The following KCNK3 variants were observed in gnomAD, a reference collection of about 807,000 sequenced individuals.
KCNK3 encodes potassium channel subfamily K member 3.
Under a neutral mutation model 27.3 loss-of-function variants are expected in KCNK3, and 9 were observed. That is an observed-to-expected ratio of 0.33 (90% CI 0.20 to 0.57). KCNK3 has a LOEUF of 0.57. KCNK3 is among the 20% of genes least tolerant of loss of function. The pLI, the probability that KCNK3 is intolerant of heterozygous loss-of-function variation, is 0.87. For missense variants in KCNK3, 391 were observed against 577.7 expected (o/e 0.68, Z 3.31); for synonymous variants, 278 against 273.8 (o/e 1.02, Z -0.15).
intron 1 of KCNK3, among the ~76,000 whole-genome samples, chr2:26,703,984 G>A (rs576883761): frequency 6.6e-6 from 1 of 152,172 alleles, no homozygotes; most frequent in African/African-American, 2.4e-5. Context: ...CTGGAAGACA[G>A]AGGATAGGCC....
intron 1 of KCNK3, among the ~76,000 whole-genome samples, chr2:26,710,167 G>T (rs1419282799): frequency 1.3e-5 from 2 of 152,232 alleles, no homozygotes; most frequent in Non-Finnish European, 2.9e-5. Context: ...CAAGAGCTTT[G>T]CAGGGAACCT....
chr2:26,700,810 C>G (rs1362749738), intron 1 of KCNK3, among the ~76,000 whole-genome samples: 1 of 152,110 alleles, frequency 6.6e-6, no homozygotes, highest in Non-Finnish European at 1.5e-5. Flanking sequence ...CTCTCTCTCA[C>G]TCTGTCTGTC....
intron 1 of KCNK3, among the ~76,000 whole-genome samples, chr2:26,718,369 C>T (rs1003180272): frequency 2.0e-5 from 3 of 152,124 alleles, no homozygotes; most frequent in Non-Finnish European, 2.9e-5. Context: ...CTCACCTTGA[C>T]GATCTTCACT....
At chr2:26,725,740 AG>A (rs533039467) in intron 1 of KCNK3, among the ~76,000 whole-genome samples, 29 of 152,236 alleles carry the variant, frequency 1.9e-4, no homozygotes, top group African/African-American at 6.0e-4. Context: ...GACGCTGTGG[AG>A]GGGGTCAGGG....
intron 1 of KCNK3, among the ~76,000 whole-genome samples, chr2:26,701,030 T>C (rs1670301324): frequency 6.6e-6 from 1 of 152,210 alleles, no homozygotes; most frequent in Admixed American, 6.5e-5. Flanking sequence ...TCAGCAGGTC[T>C]GGGGCAGAGC....
intron 1 of KCNK3, among the ~76,000 whole-genome samples, chr2:26,698,340 C>T (rs950432960): frequency 2.0e-5 from 3 of 152,178 alleles, no homozygotes; most frequent in African/African-American, 7.2e-5. Flanking sequence ...GACTTGGAAG[C>T]TGGAGTGCCT....
intron 1 of KCNK3, among the ~76,000 whole-genome samples, chr2:26,696,568 G>T (rs767106195): frequency 1.3e-5 from 2 of 152,180 alleles, no homozygotes; most frequent in Admixed American, 6.5e-5. Context: ...GTCTCCACTG[G>T]CTGGAAGGAT....
At chr2:26,709,892 C>A (rs558332838) in intron 1 of KCNK3, among the ~76,000 whole-genome samples, 67 of 152,344 alleles carry the variant, frequency 4.4e-4, no homozygotes, top group African/African-American at 1.6e-3. Context: ...GTCCCTCACC[C>A]CAGCCCCACC....
chr2:26,713,299 C>T (rs865846511), intron 1 of KCNK3, among the ~76,000 whole-genome samples: 10 of 152,150 alleles, frequency 6.6e-5, no homozygotes, highest in African/African-American at 1.7e-4. Context: ...TGCTCAGAGG[C>T]GAGGCATGGG....
chr2:26,713,681 T>C (rs971033335), intron 1 of KCNK3, among the ~76,000 whole-genome samples: 3 of 151,622 alleles, frequency 2.0e-5, no homozygotes, highest in Admixed American at 6.6e-5. Context: ...GGCAGGAGAA[T>C]TGCTTGAACC....
In KCNK3 at chr2:26,728,255, C is replaced by T. The variant is rs764097891; in HGVS notation, c.872C>T (p.Ala291Val). ...GACACCGCCTCATCCACGGCGGCAG[C>T]GGGCGGCGGCGGCTTCCGCAACGTC... ...TTDTASSTAA[A>V]GGGGFRNVYA... The change falls in exon 2 of 2, where the codon GCG (alanine) becomes GTG (valine). Residue 291 changes from alanine to valine, a missense_variant. Physicochemically the swap from Ala to Val is moderately conservative, Grantham distance 64 (BLOSUM62 0). Around this residue, in one of 4 missense-constraint regions of KCNK3, gnomAD observed 192 missense variants for 196.0 expected, o/e 0.98. Transcript: ENST00000302909. 2.2e-5 allele frequency: 35 copies of T among 1,581,426 alleles called. No homozygotes were observed. In the African/African-American group the frequency reaches 3.6e-4, roughly 16 times the overall value.
chr2:26,710,303 C>T (rs899303541), intron 1 of KCNK3, among the ~76,000 whole-genome samples: 8 of 152,170 alleles, frequency 5.3e-5, no homozygotes, highest in African/African-American at 1.9e-4. Context: ...CACAGTCCAT[C>T]GATGCCTCCA....
chr2:26,699,591 G>T (rs1393931762), intron 1 of KCNK3, among the ~76,000 whole-genome samples: 2 of 152,226 alleles, frequency 1.3e-5, no homozygotes, highest in African/African-American at 4.8e-5. Flanking sequence ...ATGTAGAAAT[G>T]ATTTCCCTGC....
Position 26,692,827 on chromosome 2 carries a change from A to AGGCGCGGGCCGGGGGCGCCGGGGGGCC in KCNK3, c.-44_-18dup. ...GCAGCAGCAGCGGCGGCCGGGGCCG[A>AGGCGCGGGCCGGGGGCGCCGGGGGGCC]GGCGCGGGCCGGGGGCGCCGGGGGG... is the stretch of plus-strand genomic sequence containing the variant. On this transcript the variant is annotated 5_prime_UTR_variant, in exon 1 of 2. Transcript: ENST00000302909. The surrounding 1 kb of genome is among the most constrained non-coding windows in gnomAD (Gnocchi z 5.6). The AGGCGCGGGCCGGGGGCGCCGGGGGGCC allele has an allele frequency of 9.5e-7, 1 of 1,055,640 alleles. No homozygotes were observed. The allele number at this position is 1,055,640 out of a possible 1,614,324, so 65.4% of individuals were successfully genotyped here.
chr2:26,723,741 G>C (rs949803745), intron 1 of KCNK3, among the ~76,000 whole-genome samples: 3 of 152,220 alleles, frequency 2.0e-5, no homozygotes, highest in African/African-American at 7.2e-5. Flanking sequence ...GGGTATTTCT[G>C]GATCTGAGAA....
intron 1 of KCNK3, among the ~76,000 whole-genome samples, chr2:26,702,442 A>G (rs1670320015): frequency 6.6e-6 from 1 of 152,230 alleles, no homozygotes; most frequent in African/African-American, 2.4e-5. Context: ...CATGAGTCCC[A>G]ACTTCAAATA....
At chr2:26,716,589 C>T (rs546894693) in intron 1 of KCNK3, among the ~76,000 whole-genome samples, 1 of 151,962 alleles carries the variant, frequency 6.6e-6, no homozygotes, top group Non-Finnish European at 1.5e-5. Flanking sequence ...ACAAAGAGCA[C>T]GAGCAGTGTC....
At chr2:26,710,329 G>A (rs1411684206) in intron 1 of KCNK3, among the ~76,000 whole-genome samples, 3 of 152,214 alleles carry the variant, frequency 2.0e-5, no homozygotes, top group South Asian at 2.1e-4. Context: ...AGCCAGGAGC[G>A]AGCTGGCAGG....
intron 1 of KCNK3, among the ~76,000 whole-genome samples, chr2:26,719,646 G>A (rs988246578): frequency 6.6e-6 from 1 of 152,206 alleles, no homozygotes; most frequent in African/African-American, 2.4e-5. Context: ...TCCACTGAGA[G>A]GTTTCATTTG....
Sources: gnomAD v4.1 joint callset for allele counts (sites outside exome capture counted in the v4.1 genomes callset) on GRCh38, gnomAD v4.1.1 for gene constraint, gnomAD v4.1.1 regional missense constraint, Gnocchi (gnomAD v3.1) non-coding constraint, MANE v1.5 for transcripts, NCBI Gene and HGNC (gene_info 2026-07-23, HGNC 2026-07-21) for gene names.